The following AGXT2 variants were observed in gnomAD, a reference collection of about 807,000 sequenced individuals.
AGXT2 encodes alanine--glyoxylate aminotransferase 2, mitochondrial.
AGXT2 carries 61 observed loss-of-function variants against 62.5 expected under a neutral mutation model. The observed-to-expected ratio is 0.98, with a 90% confidence interval of 0.79 to 1.21. The LOEUF is 1.21. Among genes scored for constraint, AGXT2 ranks in the 50% most tolerant of loss-of-function variants. AGXT2 has a pLI of 0.00. For missense variants in AGXT2, 666 were observed against 641.5 expected, an observed-to-expected ratio of 1.04 and a Z score of -0.41; for synonymous variants, 243 against 218.7, an observed-to-expected ratio of 1.11 and a Z score of -0.98.
At chr5:34,999,642 C>T (rs1021511315) in intron 13 of AGXT2, among the ~76,000 whole-genome samples, 1 of 152,118 alleles carries the variant, frequency 6.6e-6, no homozygotes, top group Non-Finnish European at 1.5e-5. Context: ...TTGTCAGCGT[C>T]CTTTCTCAAT....
intron 11 of AGXT2, among the ~76,000 whole-genome samples, chr5:35,010,351 C>T (rs4991043): frequency 0.3 from 45,185 of 151,984 alleles, 7,415 homozygotes; most frequent in Non-Finnish European, 0.37. Flanking sequence ...TGCTTCTGCC[C>T]CCAACTCCCT....
At position 35,013,972 on chromosome 5, in the gene AGXT2, G is replaced by A; in HGVS notation, c.1096+15C>T. 1 of 1,613,818 alleles carries A rather than the reference G, an allele frequency of 6.2e-7. No homozygotes were observed. Among genetic ancestry groups the A allele is most frequent in the Non-Finnish European group, 8.5e-7 (1 of 1,179,872 alleles). ...CGAGGCCCAGAAGCAAACACAAACT[G>A]CCTGTGGGTCCTACCTGGAGTGGTT... is the stretch of plus-strand genomic sequence containing the variant. On this transcript the variant is annotated intron_variant, in intron 10 of 13. Transcript: ENST00000231420.
chr5:35,040,170 A>C (rs577426008), intron 2 of AGXT2, among the ~76,000 whole-genome samples: 221 of 152,368 alleles, frequency 1.5e-3, no homozygotes, highest in Non-Finnish European at 2.4e-3. Context: ...GAGAACAAAA[A>C]TATAACTATA....
rs185266295 is a variant in AGXT2 at position 35,023,315 on chromosome 5, G to A, written c.963+2448C>T. Among the ~76,000 whole-genome samples, 80 of 152,284 alleles carry A rather than the reference G, an allele frequency of 5.3e-4. 1 individual carries two copies. Among genetic ancestry groups the A allele is most frequent in the African/African-American group, 1.8e-3 (74 of 41,568 alleles). ...AGGGCATACTATAGAACAGTTGATA[G>A]GTATGAACTGAGTTAACACATGCAA... On this transcript the variant is annotated intron_variant, in intron 9 of 13. Transcript: ENST00000231420.
At chr5:35,033,663 T>C (rs916167562) in intron 5 of AGXT2, 110 bp from the exon 6 acceptor site, 6 of 800,908 alleles carry the variant, frequency 7.5e-6, no homozygotes, top group Non-Finnish European at 1.1e-5. Context: ...TCATTCGCAT[T>C]CACCTCTGAT....
rs2112151082 is a variant in AGXT2 at position 34,998,770 on chromosome 5, T to C, written c.1494A>G (p.Val498=). The change falls in exon 14 of 14, where the codon GTA becomes GTG. Residue 498 remains valine (V), a synonymous_variant. Transcript: ENST00000231420. Reference sequence around the variant, plus strand: ...GGGTTAAGGCAGAACGAAATACTTCTACTGCAAAATCAACTTCTGGTTTAG... The same window carrying C: ...GGGTTAAGGCAGAACGAAATACTTCCACTGCAAAATCAACTTCTGGTTTAG... ...CITKPEVDFA[V]EVFRSALTQH... is the part of the protein sequence containing the mutation. 6.2e-7 allele frequency: 1 copy of C among 1,614,082 alleles called. No homozygotes were observed. The highest frequency in any genetic ancestry group is 1.1e-5 in the South Asian group (1 of 91,080).
At chr5:35,046,214 A>G (rs141118154) in intron 1 of AGXT2, among the ~76,000 whole-genome samples, 8 of 152,188 alleles carry the variant, frequency 5.3e-5, no homozygotes, top group Admixed American at 2.6e-4. Context: ...CAACTCCACA[A>G]TGTTCAGAGG....
chr5:35,023,520 G>T (rs1767200855), intron 9 of AGXT2, among the ~76,000 whole-genome samples: 1 of 152,176 alleles, frequency 6.6e-6, no homozygotes, highest in African/African-American at 2.4e-5. Flanking sequence ...TATTTCCTTT[G>T]AATTCAGCCT....
At chr5:35,007,519 T>C (rs775675628) in intron 12 of AGXT2, among the ~76,000 whole-genome samples, 2 of 152,092 alleles carry the variant, frequency 1.3e-5, no homozygotes, top group Admixed American at 6.5e-5. Context: ...CATAGGTAGA[T>C]ATAGAGGGGA....
At chr5:35,046,717 T>C (rs1029398936) in intron 1 of AGXT2, among the ~76,000 whole-genome samples, 4 of 151,630 alleles carry the variant, frequency 2.6e-5, no homozygotes, top group African/African-American at 9.7e-5. Context: ...GGAAGGAGGG[T>C]GAAAGGGAAA....
intron 13 of AGXT2, among the ~76,000 whole-genome samples, chr5:35,003,412 A>G (rs1435475234): frequency 1.3e-5 from 2 of 152,180 alleles, no homozygotes; most frequent in South Asian, 4.1e-4. Context: ...TTAATTATAC[A>G]GGAGATAGAT....
chr5:35,004,329 G>A lies in AGXT2; in HGVS notation c.1339-468C>T, dbSNP rs535939016. ...GCAGCCTGAGCTTTCCCTGGGCAGC[G>A]CAGTGGGACAGCTGAGGAGGGGCCG... is the stretch of plus-strand genomic sequence containing the variant. On this transcript the variant is annotated intron_variant, in intron 12 of 13. Coordinates refer to ENST00000231420, the MANE Select transcript of AGXT2 (RefSeq NM_031900.4). Among the ~76,000 whole-genome samples, 18 of 152,318 alleles carry A rather than the reference G, an allele frequency of 1.2e-4. 1 individual carries two copies. In the South Asian group the frequency reaches 2.1e-3, roughly 18 times the overall value.
Position 35,008,245 on chromosome 5 carries a change from G to A in AGXT2, c.1338+1755C>T, listed in dbSNP as rs552669516. On this transcript the variant is annotated intron_variant, in intron 12 of 13. Transcript: ENST00000231420. ...AAATATATATCTATGCCATTATAGT[G>A]GGGATATGCCACAAGCTAGCTTGCT... 5.3e-5 allele frequency among the ~76,000 whole-genome samples: 8 copies of A among 152,304 alleles called. No homozygotes were observed. In the East Asian group the frequency reaches 1.5e-3, roughly 29 times the overall value.
At chr5:35,029,109 T>A (rs973490338) in intron 7 of AGXT2, among the ~76,000 whole-genome samples, 1 of 152,150 alleles carries the variant, frequency 6.6e-6, no homozygotes, top group Non-Finnish European at 1.5e-5. Flanking sequence ...AAGGAAGAAA[T>A]GACAAGTATA....
intron 9 of AGXT2, among the ~76,000 whole-genome samples, chr5:35,023,683 C>G (rs1221606598): frequency 3.3e-5 from 5 of 152,112 alleles, no homozygotes. Context: ...GCCTGGACTT[C>G]GATCAGTTTG....
chr5:35,026,655 G>C, intron 7 of AGXT2, 145 bp from the exon 8 acceptor site: 1 of 970,506 alleles, frequency 1.0e-6, no homozygotes, highest in East Asian at 2.6e-5. Context: ...CGGTAAACTG[G>C]GGTGAGGATA....
At chr5:34,998,873 A>G (rs1320575429) in intron 13 of AGXT2, 47 bp from the exon 14 acceptor site, 3 of 1,371,962 alleles carry the variant, frequency 2.2e-6, no homozygotes, top group African/African-American at 2.8e-5. Flanking sequence ...AGAGAATCAA[A>G]TATGACTTTG....
rs574022221 is a variant in AGXT2 at position 35,024,504 on chromosome 5, A to G, written c.963+1259T>C. Among the ~76,000 whole-genome samples the G allele has an allele frequency of 3.9e-5, 6 of 152,364 alleles. No individual in the cohort carries two copies. In the South Asian group the frequency reaches 1.2e-3, roughly 32 times the overall value. ...ACACAGGCTAGAGCTCACATAGCCA[A>G]CGAATTTTCTTCCCATTAAAGTAAT... On this transcript the variant is annotated intron_variant, in intron 9 of 13. Transcript: ENST00000231420.
At chr5:35,040,461 G>A in intron 2 of AGXT2, 114 bp downstream of exon 2, 1 of 926,672 alleles carries the variant, frequency 1.1e-6, no homozygotes, top group South Asian at 1.3e-5. Context: ...TATCTGGAAT[G>A]AGGTAGTTTA....
Sources: gnomAD v4.1 joint callset for allele counts (sites outside exome capture counted in the v4.1 genomes callset) on GRCh38, gnomAD v4.1.1 for gene constraint, MANE v1.5 for transcripts, NCBI Gene and HGNC (gene_info 2026-07-23, HGNC 2026-07-21) for gene names.